Variants in CCDC6 observed in about 807,000 individuals in gnomAD.
CCDC6 encodes the protein coiled-coil domain-containing protein 6.
In CCDC6, 20 loss-of-function variants were observed where a neutral mutation model predicts 56.6. The observed-to-expected ratio is 0.35, with a 90% CI of 0.25 to 0.51. The LOEUF is 0.51. Among genes scored for constraint, CCDC6 ranks in the 20% least tolerant of loss-of-function variants. The pLI is 0.95. For missense variants in CCDC6, 367 were observed against 601.1 expected (o/e 0.61, Z 4.07); for synonymous variants, 241 against 234.4 (o/e 1.03, Z -0.26).
chr10:59,862,625 T>A (rs1436399012), intron 1 of CCDC6, among the ~76,000 whole-genome samples: 1 of 149,724 alleles, frequency 6.7e-6, no homozygotes, highest in African/African-American at 2.5e-5. Flanking sequence ...CAAGCAGGCA[T>A]TTTTAAAAAT....
chr10:59,884,424 A>G (rs2071367731), intron 1 of CCDC6, among the ~76,000 whole-genome samples: 1 of 152,250 alleles, frequency 6.6e-6, no homozygotes, highest in Non-Finnish European at 1.5e-5. Context: ...CTCCTAGATT[A>G]TCCTACAGAT....
intron 3 of CCDC6, among the ~76,000 whole-genome samples, chr10:59,822,426 G>A (rs536462464): frequency 1.3e-5 from 2 of 152,104 alleles, no homozygotes; most frequent in African/African-American, 4.8e-5. Flanking sequence ...TTCATTACTC[G>A]AGGGGATTCT....
chr10:59,896,927 T>C (rs1701051764), intron 1 of CCDC6, among the ~76,000 whole-genome samples: 1 of 152,222 alleles, frequency 6.6e-6, no homozygotes, highest in Admixed American at 6.5e-5. Context: ...ACCCCATGCA[T>C]GCAAGGCTCA....
Position 59,792,664 on chromosome 10 carries a change from G to A in CCDC6, c.*253C>T, listed in dbSNP as rs550354487. 1.5e-5 allele frequency: 11 copies of A among 738,346 alleles called. No homozygotes were observed. The highest frequency in any genetic ancestry group is 1.0e-4 in the Admixed American group (6 of 58,054). 45.7% of individuals were successfully genotyped at this position (738,346 alleles called of 1,614,324 possible). ...AAATACCAAATACCAAACAGCGAAG[G>A]TTCCAGCCAGGGAATGGACGTACAT... On this transcript the variant is annotated 3_prime_UTR_variant, in exon 9 of 9. Transcript: ENST00000263102.
rs1301948877 is a variant in CCDC6 at position 59,814,723 on chromosome 10, T to A, written c.615A>T (p.Thr205=). 6.2e-7 allele frequency: 1 copy of A among 1,613,260 alleles called. No homozygotes were observed. The highest frequency in any genetic ancestry group is 8.5e-7 in the Non-Finnish European group (1 of 1,179,292). Residue 205 remains threonine, a synonymous_variant, in exon 4 of 9, where the codon ACA becomes ACT. Transcript: ENST00000263102. ...LRREKIDLEN[T]LEQEQEALVN... ...CTAGTGCTTCTTGTTCTTGTTCCAATGTATTTTCAAGGTCAATCTTCTCCC... is the reference window on the plus strand; with the variant it reads ...CTAGTGCTTCTTGTTCTTGTTCCAAAGTATTTTCAAGGTCAATCTTCTCCC...
intron 1 of CCDC6, among the ~76,000 whole-genome samples, chr10:59,870,212 A>C (rs1490407106): frequency 1.3e-5 from 2 of 152,202 alleles, no homozygotes; most frequent in Non-Finnish European, 2.9e-5. Flanking sequence ...ACTGGTTAAC[A>C]TATGGGCAAC....
chr10:59,794,523 T>C lies in CCDC6; in HGVS notation c.1180A>G (p.Asn394Asp), dbSNP rs1186567446. The change falls in exon 8 of 9, where the codon AAT becomes GAT. Residue 394 changes from asparagine (N) to aspartate (D), a missense_variant. By Grantham distance (23) the Asn-to-Asp change is conservative. This residue lies in a region of CCDC6 where 79 missense variants were observed against 83.9 expected (regional missense o/e 0.94). Coordinates refer to ENST00000263102, the MANE Select transcript of CCDC6 (RefSeq NM_005436.5). ...SLTRAGMSYY[N>D]SPGLHVQHMG... Reference sequence around the variant, plus strand: ...TGCTGCACGTGAAGACCCGGGGAATTGTAATAAGACATTCCAGCTCTAGTC... The same window carrying C: ...TGCTGCACGTGAAGACCCGGGGAATCGTAATAAGACATTCCAGCTCTAGTC... 7 of 1,614,114 alleles carry C rather than the reference T, an allele frequency of 4.3e-6. No individual in the cohort carries two copies. Among genetic ancestry groups the C allele is most frequent in the Non-Finnish European group, 5.9e-6 (7 of 1,179,952 alleles).
chr10:59,873,998 G>A (rs1253934611), intron 1 of CCDC6, among the ~76,000 whole-genome samples: 3 of 152,128 alleles, frequency 2.0e-5, no homozygotes, highest in African/African-American at 7.2e-5. Context: ...CCCAAATGCT[G>A]CAAAATCAAC....
At chr10:59,796,129 C>A (rs2070515986) in intron 7 of CCDC6, among the ~76,000 whole-genome samples, 1 of 152,204 alleles carries the variant, frequency 6.6e-6, no homozygotes, top group Non-Finnish European at 1.5e-5. Flanking sequence ...CACATCCTCT[C>A]CAGCACCTGT....
chr10:59,811,776 C>A (rs1049286098), intron 5 of CCDC6, among the ~76,000 whole-genome samples: 1 of 152,142 alleles, frequency 6.6e-6, no homozygotes, highest in East Asian at 1.9e-4. Flanking sequence ...TATTTTCCAT[C>A]CATCTTTGGT....
rs577461277 is a variant in CCDC6, at chr10:59,844,897, A to C, written c.453+7656T>G. Among the ~76,000 whole-genome samples, 3 of 152,302 alleles carry C rather than the reference A, an allele frequency of 2.0e-5. No homozygotes were observed. In the South Asian group the frequency reaches 6.2e-4, roughly 32 times the overall value. On this transcript the variant is annotated intron_variant, in intron 2 of 8. Coordinates refer to ENST00000263102, the MANE Select transcript of CCDC6 (RefSeq NM_005436.5). The stretch of plus-strand genomic sequence containing the variant: ...ATTCTAAGCTGAGGCATTATTGAAA[A>C]TTACAATGAAAGGTCTCATCTTTCT...
At chr10:59,873,669 T>A (rs966392666) in intron 1 of CCDC6, among the ~76,000 whole-genome samples, 1 of 152,204 alleles carries the variant, frequency 6.6e-6, no homozygotes, top group Non-Finnish European at 1.5e-5. Flanking sequence ...CCTCATGGGA[T>A]AAGAGACTGT....
chr10:59,817,360 T>G (rs916583602), intron 3 of CCDC6, among the ~76,000 whole-genome samples: 6 of 152,170 alleles, frequency 3.9e-5, no homozygotes, highest in Admixed American at 2.0e-4. Flanking sequence ...TTTTATTTTT[T>G]GTAGAGATGA....
Position 59,804,479 on chromosome 10 carries a change from G to A in CCDC6, c.1046C>T (p.Thr349Ile). The change falls in exon 7 of 9, where the codon ACT becomes ATT. Residue 349 changes from threonine to isoleucine, a missense_variant. By Grantham distance (89) the Thr-to-Ile change is moderately conservative. Transcript: ENST00000263102. ...EMSAQGLRPR[T>I]VSSPIPYTPS... Reference sequence around the variant, plus strand: ...TGTGTAAGGGATCGGGCTGGACACAGTGCGAGGTCTTAATCCTTGTGCAGA... The same window carrying A: ...TGTGTAAGGGATCGGGCTGGACACAATGCGAGGTCTTAATCCTTGTGCAGA... The A allele has an allele frequency of 6.2e-7, 1 of 1,613,200 alleles. No homozygotes were observed. Among genetic ancestry groups the A allele is most frequent in the Non-Finnish European group, 8.5e-7 (1 of 1,179,192 alleles).
chr10:59,887,275 C>T (rs117282988), intron 1 of CCDC6, among the ~76,000 whole-genome samples: 195 of 152,220 alleles, frequency 1.3e-3, no homozygotes, highest in Non-Finnish European at 2.0e-3. Context: ...ATGCTACTGG[C>T]TACTTCACAA....
chr10:59,817,787 C>A (rs1489165905), intron 3 of CCDC6, among the ~76,000 whole-genome samples: 1 of 152,184 alleles, frequency 6.6e-6, no homozygotes, highest in East Asian at 1.9e-4. Context: ...CCGATGCCCT[C>A]ATCTATGAAA....
chr10:59,849,668 G>C (rs1213744033), intron 2 of CCDC6, among the ~76,000 whole-genome samples: 2 of 152,132 alleles, frequency 1.3e-5, no homozygotes. Context: ...GGTGAAAAAT[G>C]CTGAACACTT....
intron 1 of CCDC6, among the ~76,000 whole-genome samples, chr10:59,867,032 C>G (rs2071183201): frequency 6.6e-6 from 1 of 152,156 alleles, no homozygotes; most frequent in African/African-American, 2.4e-5. Context: ...TACATATTCC[C>G]TGATGGCATA....
chr10:59,847,751 C>T (rs988354237), intron 2 of CCDC6, among the ~76,000 whole-genome samples: 2 of 149,158 alleles, frequency 1.3e-5, no homozygotes, highest in Admixed American at 1.3e-4. Context: ...AAGAAAATAA[C>T]ATAACCTATA....
Sources: gnomAD v4.1 joint callset for allele counts (sites outside exome capture counted in the v4.1 genomes callset) on GRCh38, gnomAD v4.1.1 for gene constraint, gnomAD v4.1.1 regional missense constraint, MANE v1.5 for transcripts, NCBI Gene and HGNC (gene_info 2026-07-23, HGNC 2026-07-21) for gene names.